The following EMC3 variants were observed in gnomAD, a reference collection of about 807,000 sequenced individuals.
EMC3 encodes the protein ER membrane protein complex subunit 3, also known as 30 kDa protein.
In EMC3, 13 loss-of-function variants were observed where a neutral mutation model predicts 36.6. The ratio of observed to expected loss-of-function variants is 0.35; its 90% CI spans 0.23 to 0.56. EMC3 has a LOEUF of 0.56. Among genes scored for constraint, EMC3 ranks in the 20% least tolerant of loss-of-function variants. The pLI, the probability that EMC3 is intolerant of heterozygous loss-of-function variation, is 0.84. For synonymous variants in EMC3, 120 were observed against 111.9 expected (o/e 1.07, Z -0.46); for missense variants, 220 against 324.5 (o/e 0.68, Z 2.47).
chr3:9,982,802 CT>C lies in EMC3; in HGVS notation c.155+3704del, dbSNP rs532304467. Among the ~76,000 whole-genome samples the C allele has an allele frequency of 7.9e-5, 12 of 151,818 alleles. No homozygotes were observed. The East Asian group carries it at 2.3e-3, about 29-fold the overall frequency. On this transcript the variant is annotated intron_variant, in intron 1 of 7. Transcript: ENST00000245046. ...CTCGAGAGGCTGAGGTGGGAGGATC[CT>C]TGAGCCTGAGATGTTGAGGCTGCAG...
chr3:9,975,608 G>T (rs1015188816), intron 3 of EMC3, among the ~76,000 whole-genome samples: 1 of 151,744 alleles, frequency 6.6e-6, no homozygotes, highest in Non-Finnish European at 1.5e-5. Flanking sequence ...GTCAGGAGAT[G>T]GAGACCATCC....
rs146320238 is a variant in EMC3, at chr3:9,974,185, C to T, written c.412+199G>A. On this transcript the variant is annotated intron_variant, in intron 4 of 7. Coordinates refer to ENST00000245046, the MANE Select transcript of EMC3 (RefSeq NM_001394674.1). ...AAGCTAGCAAGTCACTTGCTTGAATCTAATCTGGCTAAAAAGCATCCACGT... is the reference window on the plus strand; with the variant it reads ...AAGCTAGCAAGTCACTTGCTTGAATTTAATCTGGCTAAAAAGCATCCACGT... 5.5e-3 allele frequency among the ~76,000 whole-genome samples: 833 copies of T among 152,284 alleles called. 15 individuals are homozygous for T. The highest frequency in any genetic ancestry group is 0.018 in the African/African-American group (758 of 41,536).
At chr3:9,984,114 G>A (rs1050531513) in intron 1 of EMC3, among the ~76,000 whole-genome samples, 7 of 149,046 alleles carry the variant, frequency 4.7e-5, no homozygotes, top group South Asian at 2.1e-4. Flanking sequence ...ATGGAGTCTC[G>A]CTCTGTCGCC....
At chr3:10,006,961 T>G (rs2086269727) in intron 1 of EMC3, 1 of 292,016 alleles carries the variant, frequency 3.4e-6, no homozygotes, top group African/African-American at 2.3e-5. Flanking sequence ...TATTTTATCT[T>G]TTTAAATAAA....
At chr3:10,008,378 C>T (rs1157006292) in intron 1 of EMC3, 1 of 1,365,786 alleles carries the variant, frequency 7.3e-7, no homozygotes, top group African/African-American at 1.5e-5. Context: ...AACCCACAAA[C>T]AGAGAAGGTC....
At chr3:9,981,568 A>G in intron 1 of EMC3, 1 of 234,302 alleles carries the variant, frequency 4.3e-6, no homozygotes, top group Non-Finnish European at 8.6e-6. Flanking sequence ...AAAGCTTTGT[A>G]ATTTGCAACT....
chr3:9,994,592 CAG>C lies in EMC3; in HGVS notation c.-241-7692_-241-7691del, dbSNP rs371635419. Among the ~76,000 whole-genome samples the C allele has an allele frequency of 1.2e-4, 17 of 139,890 alleles. 1 individual carries two copies. The South Asian group carries it at 1.6e-3, about 13-fold the overall frequency. The allele number at this position is 139,890 out of a possible 152,430, so 91.8% of individuals were successfully genotyped here. Reference sequence around the variant, plus strand: ...ATGAGACACTTTTTTTTTTTCAAGACAGAGTTTCGTTCTTGTTGCCCAGGCTG... The same window carrying C: ...ATGAGACACTTTTTTTTTTTCAAGACAGTTTCGTTCTTGTTGCCCAGGCTG... On this transcript the variant is annotated intron_variant, in intron 1 of 8. Coordinates refer to the EMC3 transcript ENST00000470827.
chr3:9,986,414 C>A, intron 1 of EMC3, 93 bp downstream of exon 1: 2 of 1,468,280 alleles, frequency 1.4e-6, no homozygotes, highest in Non-Finnish European at 1.9e-6. Flanking sequence ...AGAGGGGGCG[C>A]GACGTGAACC....
intron 1 of EMC3, chr3:9,981,867 T>C (rs1289266562): frequency 3.0e-6 from 1 of 334,224 alleles, no homozygotes; most frequent in Admixed American, 4.3e-5. Flanking sequence ...AACCATTTTT[T>C]ACACATAATC....
upstream of EMC3, among the ~76,000 whole-genome samples, chr3:9,991,366 C>G (rs2086049895): frequency 1.3e-5 from 2 of 152,286 alleles, no homozygotes; most frequent in African/African-American, 4.8e-5. Context: ...GCTCTCTTTC[C>G]CATTCCTCAG....
intron 7 of EMC3, chr3:9,969,233 T>C: frequency 1.4e-6 from 1 of 713,890 alleles, no homozygotes; most frequent in Non-Finnish European, 1.8e-6. Flanking sequence ...GTGCTGGGAT[T>C]ACACGTGTGA....
chr3:9,982,400 C>T (rs546990096), intron 1 of EMC3, among the ~76,000 whole-genome samples: 7 of 152,080 alleles, frequency 4.6e-5, no homozygotes, highest in African/African-American at 7.2e-5. Context: ...ATTACAGGCG[C>T]GTCCCACCAT....
At chr3:9,964,475 T>G (rs943466946) in intron 7 of EMC3, among the ~76,000 whole-genome samples, 1 of 152,240 alleles carries the variant, frequency 6.6e-6, no homozygotes, top group African/African-American at 2.4e-5. Flanking sequence ...AGATTTAAAT[T>G]GTGGTCTGAC....
chr3:9,968,499 C>A (rs1184517915), intron 7 of EMC3: 4 of 152,176 alleles, frequency 2.6e-5, no homozygotes, highest in Non-Finnish European at 5.9e-5. Context: ...CTGGCTAGTA[C>A]ATCCTGGACA....
At chr3:9,987,248 G>C, upstream of EMC3, 1 of 984,534 alleles carries the variant, frequency 1.0e-6, no homozygotes, top group Non-Finnish European at 1.2e-6. Context: ...AAAACTACAG[G>C]CGGGGACGGC....
In EMC3 at chr3:9,986,808, A is replaced by AT. The variant is rs1348549756; in HGVS notation, c.-148_-147insA. The AT allele has an allele frequency of 1.4e-6, 2 of 1,441,058 alleles. No homozygotes were observed. The highest frequency in any genetic ancestry group is 2.9e-5 in the African/African-American group (2 of 70,072). The allele number at this position is 1,441,058 out of a possible 1,614,324, so 89.3% of individuals were successfully genotyped here. A position where few individuals can be genotyped will look rare whatever the true frequency, so the allele number is the denominator to read the frequency against. On this transcript the variant is annotated 5_prime_UTR_variant, in exon 1 of 8. Transcript: ENST00000245046. ...TCTCCTGCGACTGTGAGCCGAGCTT[A>AT]CTGCCTTCAGCTGGGCTGCCTGGTC... is the stretch of plus-strand genomic sequence containing the variant.
intron 1 of EMC3, among the ~76,000 whole-genome samples, chr3:9,983,063 T>C (rs931862762): frequency 3.3e-5 from 5 of 152,060 alleles, no homozygotes; most frequent in Non-Finnish European, 7.4e-5. Context: ...GCAGCAATTA[T>C]GAGCAGAGAC....
chr3:9,965,162 T>C (rs2085724416), intron 7 of EMC3, among the ~76,000 whole-genome samples: 1 of 151,072 alleles, frequency 6.6e-6, no homozygotes, highest in Non-Finnish European at 1.5e-5. Flanking sequence ...ATCCTAGCAC[T>C]TTGGGAGGCC....
chr3:9,996,742 G>A (rs2086130915), intron 1 of EMC3, among the ~76,000 whole-genome samples: 1 of 152,052 alleles, frequency 6.6e-6, no homozygotes, highest in Non-Finnish European at 1.5e-5. Context: ...CTAGGCACCT[G>A]GTTTGTCTCC....
Sources: allele counts gnomAD v4.1 joint callset (sites outside exome capture counted in the v4.1 genomes callset), GRCh38; gene constraint gnomAD v4.1.1; transcripts MANE v1.5; gene names NCBI Gene and HGNC (gene_info 2026-07-23, HGNC 2026-07-21).